Variants in DOT1L observed in about 807,000 individuals in gnomAD.
DOT1L encodes DOT1 like histone lysine methyltransferase.
In DOT1L, 33 loss-of-function variants were observed where a neutral mutation model predicts 153.3. That is an observed-to-expected ratio of 0.22 (90% CI 0.16 to 0.29). The LOEUF (loss-of-function observed/expected upper bound fraction) is 0.29, where lower values mean the gene tolerates loss of function less well. Among genes scored for constraint, DOT1L ranks in the 10% least tolerant of loss-of-function variants. The pLI, the probability that DOT1L is intolerant of heterozygous loss-of-function variation, is 1.00. For synonymous variants in DOT1L, 1,135 were observed against 965.1 expected (o/e 1.18, Z -3.26); for missense variants, 1,847 against 2,119.9 (o/e 0.87, Z 2.53).
chr19:2,229,081 T>C (rs2024489683), intron 27 of DOT1L: 1 of 985,332 alleles, frequency 1.0e-6, no homozygotes, highest in Admixed American at 6.1e-5. Flanking sequence ...GCTGCTCAGA[T>C]GTCAGCACCA....
chr19:2,206,979 C>T (rs983441841), intron 10 of DOT1L, among the ~76,000 whole-genome samples, 182 bp downstream of exon 10: 5 of 152,196 alleles, frequency 3.3e-5, no homozygotes, highest in African/African-American at 1.2e-4. Context: ...CACTCCATGC[C>T]AGGAGCACCC....
At chr19:2,228,082 C>T (rs1232710322) in intron 27 of DOT1L, 20 of 1,333,776 alleles carry the variant, frequency 1.5e-5, no homozygotes, top group African/African-American at 9.0e-5. Context: ...GCGTCCCTCC[C>T]GCCTAACCAA....
rs555460418 is a variant in DOT1L at position 2,225,560 on chromosome 19, T to G, written c.3661+108T>G. The G allele has an allele frequency of 1.7e-4, 216 of 1,234,326 alleles. 3 individuals are homozygous for G. In the South Asian group the frequency reaches 2.5e-3, roughly 14 times the overall value. 76.5% of individuals were successfully genotyped at this position (1,234,326 alleles called of 1,614,324 possible). On this transcript the variant is annotated intron_variant, in intron 26 of 27. Coordinates refer to ENST00000398665, the MANE Select transcript of DOT1L (RefSeq NM_032482.3). ...GCCCGCTGCATCGTGTCCCGCATGG[T>G]GCTGGCCCGCTGCGTCGTGTCCTGC...
intron 10 of DOT1L, 24 bp downstream of exon 10, chr19:2,206,821 T>C: frequency 1.2e-6 from 2 of 1,606,520 alleles, no homozygotes; most frequent in Non-Finnish European, 8.5e-7. Flanking sequence ...ATGTTGTTAA[T>C]GATGAACACG....
Position 2,217,995 on chromosome 19 carries a change from C to A in DOT1L, c.2691+77C>A. ...TCTGGGGTGCTCGAGACCTGGCTCA[C>A]TTTGCGAAGTCTCACGCTGTAAAAT... is the stretch of plus-strand genomic sequence containing the variant. On this transcript the variant is annotated intron_variant, in intron 22 of 27. Transcript: ENST00000398665. This position sits in a 1 kb window ranked among gnomAD's most constrained non-coding sequence, Gnocchi z 7.3. The A allele has an allele frequency of 6.5e-7, 1 of 1,542,696 alleles. No homozygotes were observed.
Position 2,217,582 on chromosome 19 carries a change from G to C in DOT1L, c.2545-190G>C, listed in dbSNP as rs559787016. ...GGCATTGCTTTCAGACACCAGGAGC[G>C]TGCCGTCCCTCTGGAGTGTCCCAAA... On this transcript the variant is annotated intron_variant, in intron 21 of 27. Coordinates refer to ENST00000398665, the MANE Select transcript of DOT1L (RefSeq NM_032482.3). This position sits in a 1 kb window ranked among gnomAD's most constrained non-coding sequence, Gnocchi z 7.3. Among the ~76,000 whole-genome samples, 1 of 152,102 alleles carries C rather than the reference G, an allele frequency of 6.6e-6. No homozygotes were observed. Among genetic ancestry groups the C allele is most frequent in the African/African-American group, 2.4e-5 (1 of 41,416 alleles).
At chr19:2,224,583 C>T (rs548340531) in intron 25 of DOT1L, among the ~76,000 whole-genome samples, 2 of 151,948 alleles carry the variant, frequency 1.3e-5, no homozygotes, top group African/African-American at 4.8e-5. Context: ...TCTCCTGCCT[C>T]AGCCTCCTGA....
chr19:2,198,245 G>A lies in DOT1L; in HGVS notation c.652-1639G>A, dbSNP rs535729577. ...GTCATTTCCTGGGTGGCTTGTTCACGGGGAATGAGGGATGTTCAGAGGGTC... is the reference window on the plus strand; with the variant it reads ...GTCATTTCCTGGGTGGCTTGTTCACAGGGAATGAGGGATGTTCAGAGGGTC... On this transcript the variant is annotated intron_variant, in intron 7 of 27. Transcript: ENST00000398665. 1.6e-4 allele frequency among the ~76,000 whole-genome samples: 24 copies of A among 152,350 alleles called. No individual in the cohort carries two copies. The East Asian group carries it at 2.3e-3, about 15-fold the overall frequency.
At chr19:2,228,220 G>A (rs752595599) in intron 27 of DOT1L, 153 of 1,363,442 alleles carry the variant, frequency 1.1e-4, no homozygotes, top group Non-Finnish European at 1.4e-4. Context: ...CCCCTGCCCC[G>A]GCTGGCCCTG....
chr19:2,228,832 G>C, intron 27 of DOT1L: 11 of 985,388 alleles, frequency 1.1e-5, no homozygotes, highest in Non-Finnish European at 1.3e-5. Flanking sequence ...CGGCTGCAGA[G>C]GTCCTGGAGA....
intron 5 of DOT1L, among the ~76,000 whole-genome samples, chr19:2,192,489 A>G (rs770623518): frequency 3.3e-5 from 5 of 152,078 alleles, no homozygotes; most frequent in African/African-American, 1.2e-4. Context: ...CCTGGCCAAC[A>G]TGGTGAAACT....
chr19:2,172,356 A>T lies in DOT1L; in HGVS notation c.81+8091A>T, dbSNP rs184863515. On this transcript the variant is annotated intron_variant, in intron 1 of 27. Transcript: ENST00000398665. ...AGGCGCCCGCCGCCACGCCCAGCTAATTTTTTGTATTTTTAGCAGAGATGG... is the reference window on the plus strand; with the variant it reads ...AGGCGCCCGCCGCCACGCCCAGCTATTTTTTTGTATTTTTAGCAGAGATGG... 8.6e-3 allele frequency among the ~76,000 whole-genome samples: 1,226 copies of T among 142,450 alleles called. 8 individuals carry two copies. The highest frequency in any genetic ancestry group is 0.014 in the Non-Finnish European group (888 of 64,984). 93.5% of individuals were successfully genotyped at this position (142,450 alleles called of 152,430 possible).
In DOT1L at chr19:2,230,439, T is replaced by TG. The variant is rs1185618265; in HGVS notation, c.*648dup. 2 of 399,772 alleles carry TG rather than the reference T, an allele frequency of 5.0e-6. No homozygotes were observed. Among genetic ancestry groups the TG allele is most frequent in the Non-Finnish European group, 8.8e-6 (2 of 227,014 alleles). 24.8% of individuals were successfully genotyped at this position (399,772 alleles called of 1,614,324 possible). Reference sequence around the variant, plus strand: ...CCCTCCGGGGCGTGGGTTGCGCCCTTGCATGTGAAGGGGCCTGCGCGGTGA... The same window carrying TG: ...CCCTCCGGGGCGTGGGTTGCGCCCTTGGCATGTGAAGGGGCCTGCGCGGTGA... On this transcript the variant is annotated 3_prime_UTR_variant, in exon 28 of 28. Coordinates refer to ENST00000398665, the MANE Select transcript of DOT1L (RefSeq NM_032482.3).
chr19:2,195,588 A>ACAGAGCCCGCAGCCCCTCGAGCCT (rs925777005), intron 7 of DOT1L, among the ~76,000 whole-genome samples: 1 of 152,026 alleles, frequency 6.6e-6, no homozygotes, highest in Non-Finnish European at 1.5e-5. Flanking sequence ...CCCCTGGAGT[A>ACAGAGCCCGCAGCCCCTCGAGCCT]CAGAGCCCGC....
At chr19:2,225,526 C>T (rs2024289975) in intron 26 of DOT1L, 74 bp downstream of exon 26, 1 of 1,459,820 alleles carries the variant, frequency 6.9e-7, no homozygotes, top group Non-Finnish European at 9.6e-7. Flanking sequence ...GCTGCTGACC[C>T]ACCTGCTGGC....
intron 1 of DOT1L, among the ~76,000 whole-genome samples, chr19:2,173,959 C>CTGTT (rs762830752): frequency 1.3e-5 from 2 of 152,144 alleles, no homozygotes; most frequent in East Asian, 1.9e-4. Context: ...GTAGCTTGGG[C>CTGTT]TGTTTGTTTG....
At position 2,190,871 on chromosome 19, in the gene DOT1L, A is replaced by T. The variant is rs2022762360; in HGVS notation, c.265-141A>T. 1 of 745,572 alleles carries T rather than the reference A, an allele frequency of 1.3e-6. No individual in the cohort carries two copies. The highest frequency in any genetic ancestry group is 1.8e-5 in the African/African-American group (1 of 55,770). 46.2% of individuals were successfully genotyped at this position (745,572 alleles called of 1,614,324 possible). ...GGGCTGGGTTGGAAACTGACCTGGG[A>T]GCCCGGCAGCCACCCTGCAGGGGGA... On this transcript the variant is annotated intron_variant, in intron 4 of 27. Transcript: ENST00000398665. The surrounding 1 kb of genome is among the most constrained non-coding windows in gnomAD (Gnocchi z 4.8).
chr19:2,214,391 AG>A, intron 18 of DOT1L, 79 bp from the exon 19 acceptor site: 1 of 1,562,236 alleles, frequency 6.4e-7, no homozygotes, highest in Non-Finnish European at 8.7e-7. Context: ...AGGCAGGCCC[AG>A]GGAACCCTGC....
In DOT1L at chr19:2,220,784, C is replaced by G. The variant is rs186847535; in HGVS notation, c.2806+562C>G. On this transcript the variant is annotated intron_variant, in intron 23 of 27. Coordinates refer to ENST00000398665, the MANE Select transcript of DOT1L (RefSeq NM_032482.3). This position sits in a 1 kb window ranked among gnomAD's most constrained non-coding sequence, Gnocchi z 4.5. ...CGGGCATGGCTGTGTGCCAGCAAAA[C>G]TGTACTTAAAACAGCAGAGGACATG... 2.9e-6 allele frequency: 1 copy of G among 344,446 alleles called. No individual in the cohort carries two copies. Among genetic ancestry groups the G allele is most frequent in the East Asian group, 7.7e-5 (1 of 13,040 alleles). 21.3% of individuals were successfully genotyped at this position (344,446 alleles called of 1,614,324 possible).
Sources: gnomAD v4.1 joint callset for allele counts (sites outside exome capture counted in the v4.1 genomes callset) on GRCh38, gnomAD v4.1.1 for gene constraint, Gnocchi (gnomAD v3.1) non-coding constraint, MANE v1.5 for transcripts, NCBI Gene and HGNC (gene_info 2026-07-23, HGNC 2026-07-21) for gene names.